ANXA2: variants seen among roughly 807,000 people sequenced by gnomAD.
The protein encoded by ANXA2 is annexin A2.
Under a neutral mutation model 47.3 loss-of-function variants are expected in ANXA2, and 28 were observed. The ratio of observed to expected loss-of-function variants is 0.59; its 90% CI spans 0.44 to 0.81. The LOEUF (loss-of-function observed/expected upper bound fraction) is 0.81, where lower values mean the gene tolerates loss of function less well. ANXA2 is among the 40% of genes least tolerant of loss of function. The pLI, the probability that ANXA2 is intolerant of heterozygous loss-of-function variation, is 0.00. For synonymous variants in ANXA2, 172 were observed against 155.5 expected (o/e 1.11, Z -0.79); for missense variants, 384 against 414.3 (o/e 0.93, Z 0.64).
chr15:60,365,254 A>T (rs1336768633), intron 3 of ANXA2, among the ~76,000 whole-genome samples: 9 of 152,086 alleles, frequency 5.9e-5, no homozygotes, highest in Non-Finnish European at 1.3e-4. Flanking sequence ...AAAATATTTT[A>T]GTACCTATTT....
rs1234645400 is a variant in ANXA2, at chr15:60,361,016, G to C, written c.282C>G (p.His94Gln). 6.2e-7 allele frequency: 1 copy of C among 1,613,846 alleles called. No homozygotes were observed. ...ASALKSALSG[H>Q]LETVILGLLK... ...ATAGGCCCAAAATCACCGTCTCCAG[G>C]TGGCCAGATAAGGCTGACTTCAGTG... Residue 94 changes from histidine (H) to glutamine (Q), a missense_variant, in exon 5 of 13, where the codon CAC (histidine) becomes CAG (glutamine). His to Gln is a conservative substitution (Grantham distance 24). Transcript: ENST00000451270.
Position 60,349,077 on chromosome 15 carries a change from G to A in ANXA2, c.958C>T (p.Gln320Ter). 8.1e-6 allele frequency: 13 copies of A among 1,613,994 alleles called. No homozygotes were observed. Among genetic ancestry groups the A allele is most frequent in the Non-Finnish European group, 9.3e-6 (11 of 1,179,992 alleles). ...CTGACACTGCACCTCGGGCTTACCT[G>A]GATATAATAGTACAGGGACTTGCCG... is the stretch of plus-strand genomic sequence containing the variant. ...KYGKSLYYYI[Q>*]QDTKGDYQKA... Residue 320 changes from glutamine to a stop codon, truncating the protein, a stop_gained and splice_region_variant, in exon 12 of 13, where the codon CAG (glutamine) becomes TAG (stop). Coordinates refer to ENST00000451270, the MANE Select transcript of ANXA2 (RefSeq NM_004039.3). LOFTEE classifies it high-confidence loss of function.
chr15:60,393,511 A>G, intron 1 of ANXA2: 1 of 991,322 alleles, frequency 1.0e-6, no homozygotes, highest in Non-Finnish European at 1.2e-6. Context: ...TTCCTTAAAT[A>G]TCTTCTATAC....
rs766633619 is a variant in ANXA2, at chr15:60,397,379, T to C, written c.-12+564A>G. The C allele has an allele frequency of 3.3e-4, 310 of 946,242 alleles. 1 individual carries two copies. Among genetic ancestry groups the C allele is most frequent in the Non-Finnish European group, 3.8e-4 (304 of 793,782 alleles). The allele number at this position is 946,242 out of a possible 1,614,324, so 58.6% of individuals were successfully genotyped here. On this transcript the variant is annotated intron_variant, in intron 1 of 12. Transcript: ENST00000451270. ...TAACTGACGTTTTAATGTCTTCTTT[T>C]ATGGGGGGCTGAGGGGTGCCTACTC... is the stretch of plus-strand genomic sequence containing the variant.
intron 3 of ANXA2, among the ~76,000 whole-genome samples, chr15:60,375,189 C>T (rs1468487677): frequency 6.6e-6 from 1 of 152,098 alleles, no homozygotes; most frequent in Non-Finnish European, 1.5e-5. Context: ...AAAATAAGTG[C>T]AAAACTTCGT....
chr15:60,384,732 C>A (rs1801043381), intron 2 of ANXA2: 4 of 152,234 alleles, frequency 2.6e-5, no homozygotes, highest in Admixed American at 2.6e-4. Context: ...TCCATACAAC[C>A]TGTGCTTTCA....
chr15:60,358,439 A>C (rs1595670044), intron 5 of ANXA2, among the ~76,000 whole-genome samples: 1 of 152,228 alleles, frequency 6.6e-6, no homozygotes, highest in African/African-American at 2.4e-5. Context: ...ACTGTTTAAA[A>C]TGTAAATCAA....
chr15:60,365,261 A>G (rs2062579421), intron 3 of ANXA2, among the ~76,000 whole-genome samples: 1 of 152,026 alleles, frequency 6.6e-6, no homozygotes, highest in Admixed American at 6.6e-5. Context: ...TTTAGTACCT[A>G]TTTTAATTGG....
At chr15:60,386,882 C>T (rs1313575981) in intron 1 of ANXA2, 1 of 152,162 alleles carries the variant, frequency 6.6e-6, no homozygotes, top group Non-Finnish European at 1.5e-5. Flanking sequence ...CAAGACAGGT[C>T]ATCAACATAA....
chr15:60,370,175 C>T (rs1039851334), intron 3 of ANXA2, among the ~76,000 whole-genome samples: 1 of 152,242 alleles, frequency 6.6e-6, no homozygotes, highest in Non-Finnish European at 1.5e-5. Context: ...CAGTATCTAA[C>T]ATGCTGGGAC....
chr15:60,361,567 G>A (rs774271286), intron 4 of ANXA2: 11 of 157,446 alleles, frequency 7.0e-5, no homozygotes, highest in Non-Finnish European at 1.1e-4. Flanking sequence ...AACACAGTTG[G>A]AAGTGAGGTC....
In ANXA2 at chr15:60,364,638, G is replaced by A; in HGVS notation, c.149-115C>T. ...AAATTTATATACTGTTTTCCAAACT[G>A]AAATACCCAGACACCAAGATTTGTT... On this transcript the variant is annotated intron_variant, in intron 3 of 12. Transcript: ENST00000451270. The A allele has an allele frequency of 8.9e-6, 6 of 672,946 alleles. No individual in the cohort carries two copies. The South Asian group carries it at 1.3e-4, about 15-fold the overall frequency. The allele number at this position is 672,946 out of a possible 1,614,324, so 41.7% of individuals were successfully genotyped here.
At chr15:60,366,410 T>G (rs534867134) in intron 3 of ANXA2, among the ~76,000 whole-genome samples, 404 of 150,730 alleles carry the variant, frequency 2.7e-3, no homozygotes, top group African/African-American at 9.4e-3. Context: ...GGAGCATCTC[T>G]GCGCGGCCGC....
At chr15:60,357,361 C>A (rs745306286) in intron 5 of ANXA2, 125 bp from the exon 6 acceptor site, 2 of 695,196 alleles carry the variant, frequency 2.9e-6, no homozygotes, top group Non-Finnish European at 4.8e-6. Flanking sequence ...TTTCTACATT[C>A]CTTCTGAAGA....
intron 3 of ANXA2, among the ~76,000 whole-genome samples, chr15:60,380,325 G>A (rs569302721): frequency 3.9e-5 from 6 of 152,088 alleles, no homozygotes; most frequent in African/African-American, 9.6e-5. Flanking sequence ...TCCCCAAGTC[G>A]GGTGGCTAAT....
At position 60,382,351 on chromosome 15, in the gene ANXA2, T is replaced by C. The variant is rs750329873; in HGVS notation, c.139A>G (p.Lys47Glu). ...RDALNIETAI[K>E]TKGVDEVTIV... ...CAAATGTATCACCTACCTTTGGTCTTGATGGCTGTTTCAATGTTCAAAGCA... is the reference window on the plus strand; with the variant it reads ...CAAATGTATCACCTACCTTTGGTCTCGATGGCTGTTTCAATGTTCAAAGCA... The change falls in exon 3 of 13, where the codon AAG (lysine) becomes GAG (glutamate). Residue 47 changes from lysine to glutamate, a missense_variant. Physicochemically the swap from Lys to Glu is moderately conservative, Grantham distance 56. Coordinates refer to ENST00000451270, the MANE Select transcript of ANXA2 (RefSeq NM_004039.3). 4 of 1,613,530 alleles carry C rather than the reference T, an allele frequency of 2.5e-6. No individual in the cohort carries two copies. Among genetic ancestry groups the C allele is most frequent in the Admixed American group, 3.3e-5 (2 of 60,004 alleles).
At chr15:60,356,415 A>C (rs1008016434) in intron 6 of ANXA2, among the ~76,000 whole-genome samples, 4 of 152,214 alleles carry the variant, frequency 2.6e-5, no homozygotes, top group African/African-American at 9.6e-5. Flanking sequence ...AAAACTACTA[A>C]GAATTAAACA....
intron 1 of ANXA2, chr15:60,397,281 C>A: frequency 5.1e-6 from 5 of 985,574 alleles, no homozygotes; most frequent in Non-Finnish European, 3.6e-6. Flanking sequence ...ATGTGTTCAA[C>A]CAAGCGGGAA....
chr15:60,381,879 T>C, intron 3 of ANXA2, among the ~76,000 whole-genome samples: 1 of 152,106 alleles, frequency 6.6e-6, no homozygotes, highest in Admixed American at 6.5e-5. Context: ...AGCCTCAAAG[T>C]GAAGAGCTGC....
Sources: allele counts gnomAD v4.1 joint callset (sites outside exome capture counted in the v4.1 genomes callset), GRCh38; gene constraint gnomAD v4.1.1; transcripts MANE v1.5; gene names NCBI Gene and HGNC (gene_info 2026-07-23, HGNC 2026-07-21).